Variants in DCN observed in about 807,000 individuals in gnomAD.
The protein encoded by DCN is bone proteoglycan II.
Under a neutral mutation model 36.5 loss-of-function variants are expected in DCN, and 17 were observed. The observed-to-expected ratio is 0.47, with a 90% CI of 0.32 to 0.70. The LOEUF (loss-of-function observed/expected upper bound fraction) is 0.70. Ranked by LOEUF, DCN falls within the 30% of genes least tolerant of loss-of-function variation. DCN has a pLI of 0.04. For missense variants in DCN, 389 were observed against 430.1 expected (o/e 0.90, Z 0.84); for synonymous variants, 163 against 161.4 (o/e 1.01, Z -0.07).
intron 5 of DCN, 27 bp downstream of exon 5, chr12:91,157,048 A>C (rs1375298805): frequency 5.3e-6 from 8 of 1,498,940 alleles, no homozygotes; most frequent in Non-Finnish European, 7.4e-6. Flanking sequence ...TAAATTTTTC[A>C]AAATGTTTTG....
intron 7 of DCN, 99 bp from the exon 8 acceptor site, chr12:91,146,351 CTTTTTTTT>C (rs376886852): frequency 2.2e-5 from 7 of 318,286 alleles, no homozygotes; most frequent in Admixed American, 6.1e-5. Flanking sequence ...TAATCCTTCA[CTTTTTTTT>C]TTTTTTTTTT....
At chr12:91,181,488 G>C (rs557555975) in intron 1 of DCN, among the ~76,000 whole-genome samples, 1 of 152,124 alleles carries the variant, frequency 6.6e-6, no homozygotes, top group East Asian at 1.9e-4. Context: ...AAATTATACT[G>C]AAACTGTTTT....
intron 2 of DCN, among the ~76,000 whole-genome samples, chr12:91,168,723 AT>A: frequency 6.6e-6 from 1 of 152,100 alleles, no homozygotes; most frequent in African/African-American, 2.4e-5. Flanking sequence ...TAATAATTAT[AT>A]TTTTTCCTGT....
intron 7 of DCN, chr12:91,151,244 A>G (rs946626286): frequency 1.4e-5 from 3 of 209,028 alleles, no homozygotes; most frequent in African/African-American, 7.2e-5. Flanking sequence ...CATGTCAAAA[A>G]GAATCAGGAG....
chr12:91,175,770 A>C (rs1214731555), intron 2 of DCN: 2 of 152,202 alleles, frequency 1.3e-5, no homozygotes, highest in Non-Finnish European at 2.9e-5. Flanking sequence ...TATTTTCTTT[A>C]TTATAATAAT....
At chr12:91,161,070 G>A (rs1041497758) in intron 3 of DCN, among the ~76,000 whole-genome samples, 5 of 152,122 alleles carry the variant, frequency 3.3e-5, no homozygotes, top group Admixed American at 6.5e-5. Flanking sequence ...AGGATAGAAA[G>A]GATCATGAAT....
intron 5 of DCN, 76 bp downstream of exon 5, chr12:91,156,999 T>G: frequency 9.2e-7 from 1 of 1,081,964 alleles, no homozygotes. Flanking sequence ...AATTCCAGTT[T>G]CCACAAGATT....
intron 3 of DCN, among the ~76,000 whole-genome samples, chr12:91,161,654 A>T (rs538098739): frequency 7.2e-5 from 11 of 152,236 alleles, no homozygotes; most frequent in African/African-American, 2.6e-4. Flanking sequence ...CTTATCCTCC[A>T]TTGCTTCAGC....
intron 6 of DCN, among the ~76,000 whole-genome samples, chr12:91,152,176 A>AAAAC (rs1465162013): frequency 1.1e-4 from 17 of 152,272 alleles, no homozygotes; most frequent in African/African-American, 4.1e-4. Flanking sequence ...AATATTCTTG[A>AAAAC]AAACTTATGT....
In DCN at chr12:91,142,496, T is replaced by TA. The variant is rs1244194310; in HGVS notation, c.*3561dup. 1 of 152,120 alleles carries TA rather than the reference T, an allele frequency of 6.6e-6. No homozygotes were observed. Among genetic ancestry groups the TA allele is most frequent in the Non-Finnish European group, 1.5e-5 (1 of 68,012 alleles). The allele number at this position is 152,120 out of a possible 1,614,324, so 9.4% of individuals were successfully genotyped here. On this transcript the variant is annotated 3_prime_UTR_variant, in exon 8 of 8. Coordinates refer to ENST00000052754, the MANE Select transcript of DCN (RefSeq NM_001920.5). ...CATTATGGAGAACGGTAAAGGAATA[T>TA]AAAAAAGATAATAGTGATGATTCAG...
chr12:91,180,225 T>G (rs1206269182), intron 1 of DCN: 1 of 151,810 alleles, frequency 6.6e-6, no homozygotes, highest in Non-Finnish European at 1.5e-5. Flanking sequence ...ATTAAAGCTG[T>G]ACGTTCGTAA....
intron 2 of DCN, among the ~76,000 whole-genome samples, chr12:91,173,986 A>C (rs1031835078): frequency 6.6e-6 from 1 of 152,236 alleles, no homozygotes; most frequent in African/African-American, 2.4e-5. Context: ...CATTATTTGC[A>C]TTATAAGGTA....
At chr12:91,154,683 AT>A (rs1881647019) in intron 5 of DCN, among the ~76,000 whole-genome samples, 1 of 152,046 alleles carries the variant, frequency 6.6e-6, no homozygotes, top group East Asian at 1.9e-4. Context: ...CAGTTATTTT[AT>A]TTATTTGTTT....
At position 91,141,969 on chromosome 12, in the gene DCN, A is replaced by G. The variant is rs1055135887; in HGVS notation, c.*4089T>C. The G allele has an allele frequency of 2.0e-5, 3 of 152,156 alleles. No homozygotes were observed. Among genetic ancestry groups the G allele is most frequent in the African/African-American group, 7.2e-5 (3 of 41,438 alleles). The allele number at this position is 152,156 out of a possible 1,614,324, so 9.4% of individuals were successfully genotyped here. A position where few individuals can be genotyped will look rare whatever the true frequency, so the allele number is the denominator to read the frequency against. On this transcript the variant is annotated 3_prime_UTR_variant, in exon 8 of 8. Coordinates refer to ENST00000052754, the MANE Select transcript of DCN (RefSeq NM_001920.5). ...TTTGAAGGTTGTTTTAGTTTCCTGA[A>G]TGCGTATGCTTGTATATGGTTTTAA... is the stretch of plus-strand genomic sequence containing the variant.
intron 1 of DCN, among the ~76,000 whole-genome samples, chr12:91,181,956 C>A (rs1349256058): frequency 6.6e-6 from 1 of 151,160 alleles, no homozygotes; most frequent in African/African-American, 2.4e-5. Flanking sequence ...AATCAGTGGT[C>A]ACTGTGTTAC....
intron 2 of DCN, chr12:91,172,568 C>T (rs184369331): frequency 8.7e-5 from 39 of 445,778 alleles, no homozygotes; most frequent in Middle Eastern, 5.7e-4. Flanking sequence ...ATTCTCTTTC[C>T]AGTCAAACTC....
At chr12:91,181,261 A>C (rs1366809868) in intron 1 of DCN, among the ~76,000 whole-genome samples, 1 of 151,968 alleles carries the variant, frequency 6.6e-6, no homozygotes, top group South Asian at 2.1e-4. Context: ...TTGCATGTCC[A>C]GAAACTTTGT....
At chr12:91,146,345 C>G (rs896006210) in intron 7 of DCN, 93 bp from the exon 8 acceptor site, 7 of 625,112 alleles carry the variant, frequency 1.1e-5, no homozygotes, top group African/African-American at 1.0e-4. Flanking sequence ...ATTTTTTAAT[C>G]CTTCACTTTT....
chr12:91,151,738 G>A lies in DCN; in HGVS notation c.801C>T (p.Asn267=), dbSNP rs371907707. Residue 267 remains asparagine, a synonymous_variant, in exon 7 of 8, where the codon AAC becomes AAT. Coordinates refer to ENST00000052754, the MANE Select transcript of DCN (RefSeq NM_001920.5). ...ISAVDNGSLA[N]TPHLRELHLD... Reference sequence around the variant, plus strand: ...AGTGAAGCTCCCTCAGATGAGGCGTGTTGGCCAGAGAGCCATTGTCAACAG... The same window carrying A: ...AGTGAAGCTCCCTCAGATGAGGCGTATTGGCCAGAGAGCCATTGTCAACAG... 1 of 1,613,984 alleles carries A rather than the reference G, an allele frequency of 6.2e-7. No homozygotes were observed. The highest frequency in any genetic ancestry group is 1.3e-5 in the African/African-American group (1 of 74,912).
Sources: allele counts gnomAD v4.1 joint callset (sites outside exome capture counted in the v4.1 genomes callset), GRCh38; gene constraint gnomAD v4.1.1; transcripts MANE v1.5; gene names NCBI Gene and HGNC (gene_info 2026-07-23, HGNC 2026-07-21).